TTC23L: variants seen among roughly 807,000 people sequenced by gnomAD.
TTC23L encodes the protein tetratricopeptide repeat domain 23 like.
In TTC23L, 42 loss-of-function variants were observed where a neutral mutation model predicts 48.1. That is an observed-to-expected ratio of 0.87 (90% CI 0.68 to 1.13). The LOEUF is 1.13. Ranked by LOEUF, TTC23L falls within the 50% of genes most tolerant of loss-of-function variation. The pLI is 0.00. For synonymous variants in TTC23L, 159 were observed against 157.2 expected (o/e 1.01, Z -0.09); for missense variants, 391 against 421.0 (o/e 0.93, Z 0.62).
intron 1 of TTC23L, chr5:34,839,636 T>C: frequency 4.1e-6 from 4 of 985,148 alleles, no homozygotes; most frequent in Non-Finnish European, 4.8e-6. Context: ...TTTCGGATAA[T>C]GGATGCTCTG....
At chr5:34,849,692 G>A (rs780319402) in intron 3 of TTC23L, among the ~76,000 whole-genome samples, 19 of 152,184 alleles carry the variant, frequency 1.2e-4, no homozygotes, top group Non-Finnish European at 2.4e-4. Flanking sequence ...TGTTAACAGA[G>A]GCAACAATGG....
At chr5:34,848,599 A>G (rs1024128091) in intron 3 of TTC23L, among the ~76,000 whole-genome samples, 1 of 152,180 alleles carries the variant, frequency 6.6e-6, no homozygotes, top group African/African-American at 2.4e-5. Flanking sequence ...TCTATTTTAG[A>G]TAAGGTGGCC....
intron 8 of TTC23L, among the ~76,000 whole-genome samples, chr5:34,877,845 G>T (rs956553185): frequency 3.9e-5 from 6 of 152,106 alleles, no homozygotes; most frequent in African/African-American, 1.4e-4. Flanking sequence ...AATAAGAGAA[G>T]AAAAGGAAAT....
chr5:34,915,461 C>A, the TTC23L span: 4 of 379,290 alleles, frequency 1.1e-5, no homozygotes, highest in African/African-American at 6.3e-5. Context: ...TCAGCAAAGT[C>A]CCTGAAGAGG....
At chr5:34,842,022 C>T (rs1051481764) in intron 2 of TTC23L, among the ~76,000 whole-genome samples, 6 of 152,280 alleles carry the variant, frequency 3.9e-5, no homozygotes, top group African/African-American at 1.4e-4. Flanking sequence ...GCCAGATTTC[C>T]CCTCGGGGCA....
intron 9 of TTC23L, among the ~76,000 whole-genome samples, chr5:34,895,854 A>C (rs942769401): frequency 6.6e-6 from 1 of 152,208 alleles, no homozygotes; most frequent in South Asian, 2.1e-4. Flanking sequence ...GATGAAATGT[A>C]TGTTCCATAA....
chr5:34,890,209 C>G (rs997396529), intron 9 of TTC23L, among the ~76,000 whole-genome samples: 3 of 151,788 alleles, frequency 2.0e-5, no homozygotes, highest in Non-Finnish European at 4.4e-5. Context: ...CTTTGGGAGG[C>G]TGAGGCTGGT....
At chr5:34,862,015 G>A (rs1169031754) in intron 4 of TTC23L, among the ~76,000 whole-genome samples, 1 of 152,144 alleles carries the variant, frequency 6.6e-6, no homozygotes, top group Non-Finnish European at 1.5e-5. Flanking sequence ...CATATTTGAG[G>A]GGAACCTGGT....
chr5:34,916,143 G>A, the TTC23L span: 3 of 403,758 alleles, frequency 7.4e-6, no homozygotes, highest in African/African-American at 2.1e-5. Flanking sequence ...GCGACTTACA[G>A]GGTGCTCAGA....
intron 10 of TTC23L, 90 bp downstream of exon 10, chr5:34,896,965 G>T: frequency 1.8e-6 from 1 of 543,462 alleles, no homozygotes; most frequent in Non-Finnish European, 3.3e-6. Context: ...CCAGTTCTCT[G>T]GGGGAGGAAG....
chr5:34,852,072 A>G (rs1199310897), intron 4 of TTC23L, among the ~76,000 whole-genome samples: 2 of 152,140 alleles, frequency 1.3e-5, no homozygotes, highest in Non-Finnish European at 2.9e-5. Context: ...TTTTGTAGAG[A>G]TAAGGTCTTT....
chr5:34,922,190 C>T, the TTC23L span: 1 of 1,306,856 alleles, frequency 7.7e-7, no homozygotes, highest in East Asian at 2.3e-5. Context: ...TTATCTACTT[C>T]ATTTTCCTAT....
the TTC23L span, chr5:34,909,157 G>T: frequency 1.0e-6 from 1 of 997,598 alleles, no homozygotes; most frequent in Non-Finnish European, 1.5e-6. Flanking sequence ...ATAAAATGCT[G>T]TGCATTTTAA....
chr5:34,851,139 T>C (rs970341497), intron 4 of TTC23L, among the ~76,000 whole-genome samples: 1 of 152,180 alleles, frequency 6.6e-6, no homozygotes, highest in African/African-American at 2.4e-5. Flanking sequence ...TTGTACACAA[T>C]ATGGTTTGGC....
Position 34,864,518 on chromosome 5 carries a change from T to A in TTC23L, c.618T>A (p.Cys206Ter). 1 of 1,613,890 alleles carries A rather than the reference T, an allele frequency of 6.2e-7. No individual in the cohort carries two copies. The change falls in exon 6 of 11, where the codon TGT (cysteine) becomes TGA (stop). Residue 206 changes from cysteine (C) to a stop codon, truncating the protein, a stop_gained. Transcript: ENST00000505624. LOFTEE classifies it high-confidence loss of function. ...AAGAATTATATAAAGGAGGTGTTTG[T>A]GAATTACAAGTCTCTGAGAACGACC...
At chr5:34,898,264 T>C (rs1178896203) in intron 10 of TTC23L, among the ~76,000 whole-genome samples, 1 of 152,184 alleles carries the variant, frequency 6.6e-6, no homozygotes, top group Non-Finnish European at 1.5e-5. Flanking sequence ...GCTGAATATT[T>C]TGAAAAGCTA....
At chr5:34,894,964 G>A (rs946755784) in intron 9 of TTC23L, among the ~76,000 whole-genome samples, 1 of 151,966 alleles carries the variant, frequency 6.6e-6, no homozygotes, top group African/African-American at 2.4e-5. Flanking sequence ...GAAAGGGAAG[G>A]ATGACTAATC....
intron 8 of TTC23L, among the ~76,000 whole-genome samples, chr5:34,872,242 G>A (rs887563017): frequency 7.9e-5 from 12 of 152,126 alleles, no homozygotes; most frequent in South Asian, 4.1e-4. Flanking sequence ...AGCTATAAGC[G>A]TGCCACTGCA....
At chr5:34,923,979 G>A in the TTC23L span, among the ~76,000 whole-genome samples, 2 of 152,290 alleles carry the variant, frequency 1.3e-5, no homozygotes, top group South Asian at 2.1e-4. Context: ...CTAATTTGTA[G>A]AAAGTGCTGT....
Sources: gnomAD v4.1 joint callset for allele counts (sites outside exome capture counted in the v4.1 genomes callset) on GRCh38, gnomAD v4.1.1 for gene constraint, MANE v1.5 for transcripts, NCBI Gene and HGNC (gene_info 2026-07-23, HGNC 2026-07-21) for gene names.